Variants in MCTP2 observed in about 807,000 individuals in gnomAD.
The protein encoded by MCTP2 is multiple C2 and transmembrane domain containing 2, also known as multiple C2 and transmembrane domain-containing protein 2.
A neutral mutation model predicts 111.6 loss-of-function variants in MCTP2; 132 were observed. The ratio of observed to expected loss-of-function variants is 1.18; its 90% CI spans 1.03 to 1.37. MCTP2 has a LOEUF of 1.37. MCTP2 is among the 40% of genes most tolerant of loss of function. The pLI is 0.00. For missense variants in MCTP2, 1,183 were observed against 1,067.9 expected (o/e 1.11, Z -1.50); for synonymous variants, 395 against 387.7 (o/e 1.02, Z -0.22).
At chr15:94,422,825 T>C (rs559762804) in intron 17 of MCTP2, among the ~76,000 whole-genome samples, 96 of 152,304 alleles carry the variant, frequency 6.3e-4, no homozygotes, top group African/African-American at 2.2e-3. Flanking sequence ...TTGCTTTTAC[T>C]TCCTCCTTCC....
intron 12 of MCTP2, among the ~76,000 whole-genome samples, chr15:94,380,809 A>G (rs973617932): frequency 2.6e-5 from 4 of 152,200 alleles, no homozygotes; most frequent in Non-Finnish European, 5.9e-5. Flanking sequence ...TGATATGACA[A>G]TTGTAACACA....
intron 17 of MCTP2, among the ~76,000 whole-genome samples, chr15:94,423,931 C>G (rs774421268): frequency 2.0e-5 from 3 of 152,160 alleles, no homozygotes; most frequent in African/African-American, 7.2e-5. Context: ...TACCTACTGC[C>G]CCACTTACAA....
chr15:94,298,483 C>T lies in MCTP2; in HGVS notation c.218C>T (p.Ser73Phe), dbSNP rs2152334543. Residue 73 changes from serine (S) to phenylalanine (F), a missense_variant, in exon 2 of 23, where the codon TCT (serine) becomes TTT (phenylalanine). Ser to Phe is a radical substitution (Grantham distance 155, BLOSUM62 -2). Coordinates refer to ENST00000357742, the MANE Select transcript of MCTP2 (RefSeq NM_001385001.1). ...PEGRPYSGPQSSYTSVPSSLS... is the reference protein window; with the variant it reads ...PEGRPYSGPQFSYTSVPSSLS... ...GGCCGGCCTTACTCCGGGCCACAGT[C>T]TTCCTACACCTCGGTGCCCAGCAGT... 1 of 1,614,100 alleles carries T rather than the reference C, an allele frequency of 6.2e-7. No individual in the cohort carries two copies. Among genetic ancestry groups the T allele is most frequent in the Non-Finnish European group, 8.5e-7 (1 of 1,179,988 alleles).
chr15:94,277,893 C>T (rs980436297), intron 1 of MCTP2, among the ~76,000 whole-genome samples: 23 of 151,926 alleles, frequency 1.5e-4, no homozygotes, highest in Non-Finnish European at 2.8e-4. Context: ...CACACTAATA[C>T]AAGATGTAAA....
At chr15:94,432,134 T>C (rs925348709) in intron 17 of MCTP2, among the ~76,000 whole-genome samples, 2 of 152,160 alleles carry the variant, frequency 1.3e-5, no homozygotes, top group African/African-American at 2.4e-5. Flanking sequence ...TCCTGAGATG[T>C]TGTTCTTGTT....
intron 1 of MCTP2, among the ~76,000 whole-genome samples, chr15:94,291,277 C>T (rs1186378602): frequency 1.3e-5 from 2 of 151,844 alleles, no homozygotes; most frequent in Admixed American, 6.6e-5. Context: ...TAAACCATGA[C>T]CTAAAGAGAA....
intron 19 of MCTP2, among the ~76,000 whole-genome samples, chr15:94,451,624 A>G (rs2084469832): frequency 6.6e-6 from 1 of 152,222 alleles, no homozygotes; most frequent in South Asian, 2.1e-4. Flanking sequence ...GTCTTTCTGA[A>G]TGAATCACTG....
intron 17 of MCTP2, among the ~76,000 whole-genome samples, chr15:94,429,674 T>C (rs1399724141): frequency 6.6e-6 from 1 of 152,232 alleles, no homozygotes; most frequent in Non-Finnish European, 1.5e-5. Context: ...TTCTGGGCCA[T>C]TTCTTTCTAG....
intron 1 of MCTP2, among the ~76,000 whole-genome samples, chr15:94,251,537 T>G (rs757825203): frequency 7.2e-5 from 11 of 152,188 alleles, no homozygotes; most frequent in Non-Finnish European, 8.8e-5. Context: ...TTTTGTATTT[T>G]TAGTAGAGAC....
chr15:94,464,243 TA>T (rs1458984266), intron 20 of MCTP2, among the ~76,000 whole-genome samples: 2 of 57,700 alleles, frequency 3.5e-5, no homozygotes, highest in Non-Finnish European at 7.2e-5. Context: ...ATATATAATA[TA>T]TATATATATA....
intron 3 of MCTP2, 52 bp downstream of exon 3, chr15:94,314,396 C>T (rs752333639): frequency 2.1e-5 from 26 of 1,217,034 alleles, no homozygotes; most frequent in Non-Finnish European, 4.7e-6. Context: ...TATTTCTCAT[C>T]AAATGTTTGG....
At chr15:94,461,845 G>A (rs1340781097) in intron 20 of MCTP2, among the ~76,000 whole-genome samples, 2 of 152,150 alleles carry the variant, frequency 1.3e-5, no homozygotes, top group Non-Finnish European at 2.9e-5. Context: ...AGGTTAAATA[G>A]GGCTGGAATC....
At chr15:94,335,166 A>G (rs2077300033) in intron 4 of MCTP2, among the ~76,000 whole-genome samples, 1 of 152,180 alleles carries the variant, frequency 6.6e-6, no homozygotes. Context: ...AGCTGCTGTC[A>G]GATTTATATT....
At chr15:94,280,237 C>G (rs182775466) in intron 1 of MCTP2, among the ~76,000 whole-genome samples, 8 of 151,766 alleles carry the variant, frequency 5.3e-5, no homozygotes, top group Non-Finnish European at 1.0e-4. Context: ...TTTCCTTTTT[C>G]GTAGGTTTTT....
chr15:94,299,450 C>T lies in MCTP2; in HGVS notation c.465+720C>T, dbSNP rs187973935. ...ACTGCCTTAGGATTTGAACTTCCTTCTATTTTATACCTGTGTGTGCACTCG... is the reference window on the plus strand; with the variant it reads ...ACTGCCTTAGGATTTGAACTTCCTTTTATTTTATACCTGTGTGTGCACTCG... On this transcript the variant is annotated intron_variant, in intron 2 of 22. Coordinates refer to ENST00000357742, the MANE Select transcript of MCTP2 (RefSeq NM_001385001.1). Among the ~76,000 whole-genome samples the T allele has an allele frequency of 2.9e-3, 440 of 152,254 alleles. 2 individuals are homozygous for T. The highest frequency in any genetic ancestry group is 3.9e-3 in the Admixed American group (59 of 15,290).
In MCTP2 at chr15:94,298,323, T is replaced by C; in HGVS notation, c.58T>C (p.Leu20=). Reference sequence around the variant, plus strand: ...ATTAAAACAGCGGACCAGGCCATTGTTGATCAACTTGAGCAAGAAGAAGGT... The same window carrying C: ...ATTAAAACAGCGGACCAGGCCATTGCTGATCAACTTGAGCAAGAAGAAGGT... ...GSLKQRTRPL[L]INLSKKKVKK... The change falls in exon 2 of 23, where the codon TTG becomes CTG. Residue 20 remains leucine, a synonymous_variant. Transcript: ENST00000357742. 6.2e-7 allele frequency: 1 copy of C among 1,614,154 alleles called. No individual in the cohort carries two copies. Among genetic ancestry groups the C allele is most frequent in the East Asian group, 2.2e-5 (1 of 44,886 alleles).
At chr15:94,240,319 C>T (rs898171784) in intron 1 of MCTP2, among the ~76,000 whole-genome samples, 7 of 152,190 alleles carry the variant, frequency 4.6e-5, no homozygotes, top group Non-Finnish European at 1.0e-4. Context: ...GGTCACCCAA[C>T]TGGGTTGGAA....
At chr15:94,385,179 A>G (rs967107045) in intron 13 of MCTP2, among the ~76,000 whole-genome samples, 4 of 152,206 alleles carry the variant, frequency 2.6e-5, no homozygotes, top group Non-Finnish European at 5.9e-5. Context: ...GAGTGCAGGT[A>G]TACTGTTTGA....
At chr15:94,426,816 C>G (rs2082915728) in intron 17 of MCTP2, among the ~76,000 whole-genome samples, 2 of 152,124 alleles carry the variant, frequency 1.3e-5, no homozygotes, top group Admixed American at 1.3e-4. Flanking sequence ...GCAAGTCACT[C>G]TGATCCCATC....
Sources: gnomAD v4.1 joint callset for allele counts (sites outside exome capture counted in the v4.1 genomes callset) on GRCh38, gnomAD v4.1.1 for gene constraint, MANE v1.5 for transcripts, NCBI Gene and HGNC (gene_info 2026-07-23, HGNC 2026-07-21) for gene names.